PCDHGB2: variants seen among roughly 807,000 people sequenced by gnomAD.
PCDHGB2 encodes protocadherin gamma-B2.
In PCDHGB2, 55 loss-of-function variants were observed where a neutral mutation model predicts 59.3. The ratio of observed to expected loss-of-function variants is 0.93; its 90% confidence interval spans 0.75 to 1.16. The LOEUF is 1.16. PCDHGB2 is among the 50% of genes most tolerant of loss of function. The probability of loss-of-function intolerance (pLI) is 0.00; values close to 1 mark genes in which losing one functional copy is unlikely to be tolerated. For missense variants in PCDHGB2, 1,228 were observed against 1,198.5 expected (o/e 1.02, Z -0.36); for synonymous variants, 516 against 512.0 (o/e 1.01, Z -0.11).
At chr5:141,423,712 T>C (rs1231796741) in intron 1 of PCDHGB2, 2 of 1,313,518 alleles carry the variant, frequency 1.5e-6, no homozygotes, top group Admixed American at 3.2e-5. Flanking sequence ...CACAAGTCTT[T>C]TAAGGAGATG....
chr5:141,419,103 C>A, intron 1 of PCDHGB2: 1 of 1,613,886 alleles, frequency 6.2e-7, no homozygotes, highest in South Asian at 1.1e-5. Flanking sequence ...CGGGAGCAGA[C>A]CCCAGAGTAC....
rs551396089 is a variant in PCDHGB2, at chr5:141,423,798, A to T, written c.2421+61242A>T. On this transcript the variant is annotated intron_variant, in intron 1 of 3. Coordinates refer to ENST00000522605, the MANE Select transcript of PCDHGB2 (RefSeq NM_018923.3). ...TATTTAGTTCATATATATTTAGAGC[A>T]ATACATGTGAGTTTTACTTTGCCTT... is the stretch of plus-strand genomic sequence containing the variant. 3.3e-6 allele frequency: 4 copies of T among 1,222,280 alleles called. No homozygotes were observed. The South Asian group carries it at 1.1e-4, about 33-fold the overall frequency. 75.7% of individuals were successfully genotyped at this position (1,222,280 alleles called of 1,614,324 possible). A position where few individuals can be genotyped will look rare whatever the true frequency, so the allele number is the denominator to read the frequency against.
intron 2 of PCDHGB2, among the ~76,000 whole-genome samples, chr5:141,504,268 T>A (rs539485141): frequency 2.2e-4 from 34 of 152,348 alleles, no homozygotes; most frequent in Admixed American, 1.3e-3. Context: ...AGTATTTTTT[T>A]AAATTATGAA....
chr5:141,366,636 T>A lies in PCDHGB2; in HGVS notation c.2421+4080T>A, dbSNP rs374724936. On this transcript the variant is annotated intron_variant, in intron 1 of 3. Coordinates refer to ENST00000522605, the MANE Select transcript of PCDHGB2 (RefSeq NM_018923.3). The stretch of plus-strand genomic sequence containing the variant: ...GCGGACTCGAGGAAGAGTCACCTGA[T>A]CTTTCCCCAGCCCAACTACGCAGAC... 1.5e-5 allele frequency: 24 copies of A among 1,614,122 alleles called. No homozygotes were observed. In the African/African-American group the frequency reaches 2.7e-4, roughly 18 times the overall value.
chr5:141,381,026 C>A (rs1409313580), intron 1 of PCDHGB2, among the ~76,000 whole-genome samples: 1 of 152,144 alleles, frequency 6.6e-6, no homozygotes, highest in Non-Finnish European at 1.5e-5. Flanking sequence ...CTATTAGTTC[C>A]TTTAAACAAA....
chr5:141,413,286 C>G, intron 1 of PCDHGB2: 1 of 1,613,968 alleles, frequency 6.2e-7, no homozygotes, highest in Non-Finnish European at 8.5e-7. Flanking sequence ...AGATCTCCTA[C>G]TCAATTCCTG....
chr5:141,400,727 G>A (rs2094067426), intron 1 of PCDHGB2: 2 of 649,836 alleles, frequency 3.1e-6, no homozygotes, highest in African/African-American at 1.8e-5. Flanking sequence ...GATTTACAAA[G>A]TAGTGAGAGT....
At position 141,428,042 on chromosome 5, in the gene PCDHGB2, G is replaced by A; in HGVS notation, c.2421+65486G>A. The A allele has an allele frequency of 1.9e-6, 3 of 1,608,716 alleles. No individual in the cohort carries two copies. The South Asian group carries it at 3.3e-5, about 18-fold the overall frequency. On this transcript the variant is annotated intron_variant, in intron 1 of 3. Transcript: ENST00000522605. ...GCGCCGCAGAGTCCGGCTACCTGGT[G>A]ACCAAGGTGGTGGCGGTGGACGCAG...
chr5:141,383,475 G>A (rs762489709), intron 1 of PCDHGB2: 1 of 1,613,594 alleles, frequency 6.2e-7, no homozygotes, highest in African/African-American at 1.3e-5. Flanking sequence ...CTAAGTACCC[G>A]GAACTGGTGC....
chr5:141,360,621 T>A lies in PCDHGB2; in HGVS notation c.486T>A (p.Val162=). ...FPLDPALDSD[V]GPNSLQRYHL... ...TTGACCCAGCCCTGGATTCAGATGT[T>A]GGTCCTAACTCACTACAAAGATACC... The change falls in exon 1 of 4, where the codon GTT becomes GTA. Residue 162 remains valine, a synonymous_variant. Transcript: ENST00000522605. 6.2e-7 allele frequency: 1 copy of A among 1,614,026 alleles called. No homozygotes were observed. Among genetic ancestry groups the A allele is most frequent in the Non-Finnish European group, 8.5e-7 (1 of 1,179,890 alleles).
In PCDHGB2 at chr5:141,382,874, G is replaced by T. The variant is rs369372304; in HGVS notation, c.2421+20318G>T. On this transcript the variant is annotated intron_variant, in intron 1 of 3. Coordinates refer to ENST00000522605, the MANE Select transcript of PCDHGB2 (RefSeq NM_018923.3). ...TTCTGAAGCACTTCCCGAGATCGGC[G>T]CCTAAGCAAGAGAAGCAGGACGACT... 2.9e-4 allele frequency: 441 copies of T among 1,522,954 alleles called. 1 individual carries two copies. The highest frequency in any genetic ancestry group is 3.8e-4 in the Non-Finnish European group (430 of 1,137,240). 94.3% of individuals were successfully genotyped at this position (1,522,954 alleles called of 1,614,324 possible).
At position 141,365,619 on chromosome 5, in the gene PCDHGB2, C is replaced by T. The variant is rs373801138; in HGVS notation, c.2421+3063C>T. The T allele has an allele frequency of 2.5e-6, 4 of 1,613,488 alleles. No homozygotes were observed. The African/African-American group carries it at 4.0e-5, about 16-fold the overall frequency. Reference sequence around the variant, plus strand: ...TTAACCGTCATGGACCATGGAACCCCGCCCCTCTCTACAGAAAGCCACATC... The same window carrying T: ...TTAACCGTCATGGACCATGGAACCCTGCCCCTCTCTACAGAAAGCCACATC... On this transcript the variant is annotated intron_variant, in intron 1 of 3. Transcript: ENST00000522605.
In PCDHGB2 at chr5:141,454,796, A is replaced by ATTTT. The variant is rs61612330; in HGVS notation, c.2422-39985_2422-39982dup. Among the ~76,000 whole-genome samples, 123 of 77,452 alleles carry ATTTT rather than the reference A, an allele frequency of 1.6e-3. 16 individuals are homozygous for ATTTT. The highest frequency in any genetic ancestry group is 7.2e-3 in the South Asian group (14 of 1,958). 50.8% of individuals were successfully genotyped at this position (77,452 alleles called of 152,430 possible). On this transcript the variant is annotated intron_variant, in intron 1 of 3. Coordinates refer to ENST00000522605, the MANE Select transcript of PCDHGB2 (RefSeq NM_018923.3). ...AAGGAAATAATCCTCCATGGTTCTAATTTTTTTTTTTTTTTTTTTTTTTTT... is the reference window on the plus strand; with the variant it reads ...AAGGAAATAATCCTCCATGGTTCTAATTTTTTTTTTTTTTTTTTTTTTTTTTTTT...
At chr5:141,380,635 G>C (rs746308338) in intron 1 of PCDHGB2, among the ~76,000 whole-genome samples, 17 of 152,190 alleles carry the variant, frequency 1.1e-4, no homozygotes, top group African/African-American at 2.4e-4. Flanking sequence ...TAGAAAATGT[G>C]AATGCTAGAG....
chr5:141,471,196 C>T (rs59385734), intron 1 of PCDHGB2: 16,293 of 151,632 alleles, frequency 0.11, 894 homozygotes, highest in South Asian at 0.15. Context: ...ATTACAGGCA[C>T]CCACCCCCAT....
chr5:141,423,434 T>C, intron 1 of PCDHGB2: 1 of 1,614,036 alleles, frequency 6.2e-7, no homozygotes, highest in Non-Finnish European at 8.5e-7. Flanking sequence ...TTGGCAGGTA[T>C]GCCCACGTCA....
chr5:141,413,863 G>T, intron 1 of PCDHGB2: 1 of 1,613,356 alleles, frequency 6.2e-7, no homozygotes, highest in Non-Finnish European at 8.5e-7. Flanking sequence ...ATCTGGCACT[G>T]TCCTTGTCAG....
rs747671382 is a variant in PCDHGB2 at position 141,444,152 on chromosome 5, A to ATTTTTTTTTT, written c.2422-50628_2422-50619dup. 1.8e-4 allele frequency among the ~76,000 whole-genome samples: 6 copies of ATTTTTTTTTT among 33,898 alleles called. 2 individuals are homozygous for ATTTTTTTTTT. Among genetic ancestry groups the ATTTTTTTTTT allele is most frequent in the Non-Finnish European group, 3.1e-4 (6 of 19,312 alleles). The allele number at this position is 33,898 out of a possible 152,430, so 22.2% of individuals were successfully genotyped here. A position where few individuals can be genotyped will look rare whatever the true frequency, so the allele number is the denominator to read the frequency against. On this transcript the variant is annotated intron_variant, in intron 1 of 3. Coordinates refer to ENST00000522605, the MANE Select transcript of PCDHGB2 (RefSeq NM_018923.3). ...GATATGTGTCACTTGTGTGTACTGG[A>ATTTTTTTTTT]TTTTTTTTTTTTTTTTTTTTTTTTT...
At chr5:141,480,497 A>G (rs909585240) in intron 1 of PCDHGB2, among the ~76,000 whole-genome samples, 6 of 152,236 alleles carry the variant, frequency 3.9e-5, no homozygotes, top group Non-Finnish European at 8.8e-5. Flanking sequence ...CCTTAGAAAT[A>G]CACATATGAG....
Sources: allele counts gnomAD v4.1 joint callset (sites outside exome capture counted in the v4.1 genomes callset), GRCh38; gene constraint gnomAD v4.1.1; transcripts MANE v1.5; gene names NCBI Gene and HGNC (gene_info 2026-07-23, HGNC 2026-07-21).